The following MITF variants were observed in gnomAD, a reference collection of about 807,000 sequenced individuals.
The protein encoded by MITF is melanocyte inducing transcription factor, also known as microphthalmia-associated transcription factor.
A neutral mutation model predicts 60.5 loss-of-function variants in MITF; 17 were observed. The ratio of observed to expected loss-of-function variants is 0.28; its 90% CI spans 0.19 to 0.42. MITF has a LOEUF of 0.42. Ranked by LOEUF, MITF falls within the 10% of genes least tolerant of loss-of-function variation. The pLI is 1.00. For synonymous variants in MITF, 260 were observed against 248.5 expected (o/e 1.05, Z -0.43); for missense variants, 622 against 683.5 (o/e 0.91, Z 1.00).
chr3:69,894,515 G>A (rs1214211551), intron 2 of MITF, among the ~76,000 whole-genome samples: 6 of 152,066 alleles, frequency 3.9e-5, no homozygotes, highest in South Asian at 4.2e-4. Flanking sequence ...CTGAAAACCC[G>A]TCTCTACTAA....
intron 1 of MITF, among the ~76,000 whole-genome samples, chr3:69,872,013 C>T (rs1218057340): frequency 6.6e-6 from 1 of 152,078 alleles, no homozygotes; most frequent in Non-Finnish European, 1.5e-5. Context: ...ACAGAGTAAG[C>T]AAGAATTCTA....
At chr3:69,895,458 A>G (rs961299658) in intron 2 of MITF, among the ~76,000 whole-genome samples, 16 of 152,222 alleles carry the variant, frequency 1.1e-4, no homozygotes, top group African/African-American at 3.9e-4. Context: ...AGACTTATTC[A>G]GAATAGATGG....
chr3:69,938,566 A>G, intron 3 of MITF: 1 of 1,397,552 alleles, frequency 7.2e-7, no homozygotes, highest in Admixed American at 3.3e-5. Flanking sequence ...CGGAAACGCA[A>G]AGGTTTAATT....
intron 2 of MITF, among the ~76,000 whole-genome samples, chr3:69,933,634 TAA>T (rs1356576650): frequency 6.6e-6 from 1 of 152,196 alleles, no homozygotes; most frequent in African/African-American, 2.4e-5. Context: ...ATATGAAATA[TAA>T]GTTATATCAA....
chr3:69,928,865 A>G (rs1275821338), intron 2 of MITF, among the ~76,000 whole-genome samples: 1 of 152,130 alleles, frequency 6.6e-6, no homozygotes, highest in Non-Finnish European at 1.5e-5. Flanking sequence ...GTGAAAGCAA[A>G]TCTCAGGCTT....
intron 1 of MITF, among the ~76,000 whole-genome samples, chr3:69,855,360 A>G (rs2063900043): frequency 6.6e-6 from 1 of 151,978 alleles, no homozygotes; most frequent in Non-Finnish European, 1.5e-5. Context: ...TTAATAAAGA[A>G]GTTAAATACC....
intron 2 of MITF, among the ~76,000 whole-genome samples, chr3:69,911,075 G>T (rs1029937796): frequency 6.6e-6 from 1 of 151,932 alleles, no homozygotes; most frequent in Non-Finnish European, 1.5e-5. Context: ...GAATCATGGG[G>T]GGCCAGTCTT....
intron 1 of MITF, among the ~76,000 whole-genome samples, chr3:69,877,464 A>C (rs2064381533): frequency 6.6e-6 from 1 of 152,112 alleles, no homozygotes; most frequent in Non-Finnish European, 1.5e-5. Context: ...AAAAAAAAAA[A>C]AACCTTGGAT....
At chr3:69,961,465 G>A (rs1314770545) in intron 9 of MITF, among the ~76,000 whole-genome samples, 2 of 151,844 alleles carry the variant, frequency 1.3e-5, no homozygotes, top group African/African-American at 4.8e-5. Context: ...CCAGCACTTT[G>A]AGAGGCCAAG....
intron 2 of MITF, among the ~76,000 whole-genome samples, chr3:69,930,283 G>A (rs2065688941): frequency 6.6e-6 from 1 of 152,102 alleles, no homozygotes; most frequent in Non-Finnish European, 1.5e-5. Flanking sequence ...GATCCTTGAG[G>A]CACTCTGACA....
chr3:69,966,814 A>G lies in MITF; in HGVS notation c.*1566A>G, dbSNP rs1361087073. 4.3e-6 allele frequency: 1 copy of G among 232,816 alleles called. No individual in the cohort carries two copies. The highest frequency in any genetic ancestry group is 2.2e-5 in the African/African-American group (1 of 45,320). The allele number at this position is 232,816 out of a possible 1,614,324, so 14.4% of individuals were successfully genotyped here. ...AACTGAATAGCAAGTGGCATAAAGCATATCCATTCAGAATGAAGTGCCTTA... is the reference window on the plus strand; with the variant it reads ...AACTGAATAGCAAGTGGCATAAAGCGTATCCATTCAGAATGAAGTGCCTTA... On this transcript the variant is annotated 3_prime_UTR_variant, in exon 10 of 10. Coordinates refer to ENST00000352241, the MANE Select transcript of MITF (RefSeq NM_001354604.2).
At chr3:69,864,537 A>C (rs1462823597) in intron 1 of MITF, among the ~76,000 whole-genome samples, 1 of 152,170 alleles carries the variant, frequency 6.6e-6, no homozygotes, top group East Asian at 1.9e-4. Flanking sequence ...TACCAGGACT[A>C]TTGCAGTAGC....
At chr3:69,815,230 T>C (rs562428099) in intron 1 of MITF, among the ~76,000 whole-genome samples, 2 of 152,298 alleles carry the variant, frequency 1.3e-5, no homozygotes, top group Admixed American at 6.5e-5. Flanking sequence ...GATAGGCCTT[T>C]CTTTGGTATG....
intron 1 of MITF, among the ~76,000 whole-genome samples, chr3:69,774,223 C>A (rs1340557731): frequency 6.6e-6 from 1 of 152,232 alleles, no homozygotes; most frequent in African/African-American, 2.4e-5. Flanking sequence ...CTTTCTTCTA[C>A]AGCCCTGAGC....
chr3:69,791,085 C>T (rs1287233206), intron 1 of MITF, among the ~76,000 whole-genome samples: 1 of 152,278 alleles, frequency 6.6e-6, no homozygotes, highest in South Asian at 2.1e-4. Flanking sequence ...AAATATAGTC[C>T]CAATGCCCTT....
intron 1 of MITF, among the ~76,000 whole-genome samples, chr3:69,873,362 TA>T (rs1239124454): frequency 1.3e-5 from 2 of 152,062 alleles, no homozygotes; most frequent in African/African-American, 2.4e-5. Context: ...GACTACCATT[TA>T]AAAAAAATAT....
chr3:69,897,654 A>G (rs2064906222), intron 2 of MITF, among the ~76,000 whole-genome samples: 1 of 152,316 alleles, frequency 6.6e-6, no homozygotes, highest in South Asian at 2.1e-4. Context: ...GGACATTTAT[A>G]GAGAAAGTTT....
At chr3:69,804,328 C>A (rs192785034) in intron 1 of MITF, among the ~76,000 whole-genome samples, 7 of 149,980 alleles carry the variant, frequency 4.7e-5, no homozygotes, top group Admixed American at 2.0e-4. Flanking sequence ...TACCCCCTTT[C>A]CCCTTTACTC....
In MITF at chr3:69,951,989, G is replaced by A. The variant is rs141891983; in HGVS notation, c.955+103G>A. On this transcript the variant is annotated intron_variant, in intron 7 of 9. Coordinates refer to ENST00000352241, the MANE Select transcript of MITF (RefSeq NM_001354604.2). Reference sequence around the variant, plus strand: ...TAGAGGAGAGTTGATTCCTACAGCTGTTAAAATTCTCTCTTATGGAAGAAA... The same window carrying A: ...TAGAGGAGAGTTGATTCCTACAGCTATTAAAATTCTCTCTTATGGAAGAAA... 4 of 844,352 alleles carry A rather than the reference G, an allele frequency of 4.7e-6. No homozygotes were observed. The Admixed American group carries it at 6.0e-5, about 13-fold the overall frequency. The allele number at this position is 844,352 out of a possible 1,614,324, so 52.3% of individuals were successfully genotyped here. A position where few individuals can be genotyped will look rare whatever the true frequency, so the allele number is the denominator to read the frequency against.
Sources: allele counts gnomAD v4.1 joint callset (sites outside exome capture counted in the v4.1 genomes callset), GRCh38; gene constraint gnomAD v4.1.1; transcripts MANE v1.5; gene names NCBI Gene and HGNC (gene_info 2026-07-23, HGNC 2026-07-21).